RIMS2: variants seen among roughly 807,000 people sequenced by gnomAD.
RIMS2 encodes regulating synaptic membrane exocytosis 2.
A neutral mutation model predicts 174.4 loss-of-function variants in RIMS2; 59 were observed. That is an observed-to-expected ratio of 0.34 (90% CI 0.27 to 0.42). RIMS2 has a LOEUF of 0.42. RIMS2 is among the 10% of genes least tolerant of loss of function. The pLI is 1.00. For synonymous variants in RIMS2, 606 were observed against 572.5 expected, an observed-to-expected ratio of 1.06 and a Z score of -0.84; for missense variants, 1,620 against 1,666.3, an observed-to-expected ratio of 0.97 and a Z score of 0.48.
At chr8:104,049,338 GA>G (rs1395699971) in intron 19 of RIMS2, among the ~76,000 whole-genome samples, 1 of 151,944 alleles carries the variant, frequency 6.6e-6, no homozygotes, top group Admixed American at 6.6e-5. Flanking sequence ...AGAATGGCGT[GA>G]ACCCGAACCC....
At chr8:103,873,317 T>C (rs2099121378) in intron 3 of RIMS2, among the ~76,000 whole-genome samples, 1 of 152,182 alleles carries the variant, frequency 6.6e-6, no homozygotes, top group South Asian at 2.1e-4. Context: ...ACAAGTTTTA[T>C]AGAAACAGGC....
chr8:103,701,048 TGTA>T (rs1486766606), intron 2 of RIMS2, among the ~76,000 whole-genome samples: 2 of 152,082 alleles, frequency 1.3e-5, no homozygotes, highest in African/African-American at 2.4e-5. Flanking sequence ...TATTTATTCT[TGTA>T]GTTATTTCTG....
chr8:103,630,278 A>G (rs2095879508), intron 1 of RIMS2, among the ~76,000 whole-genome samples: 1 of 150,410 alleles, frequency 6.6e-6, no homozygotes, highest in South Asian at 2.1e-4. Flanking sequence ...ACCCATAAAG[A>G]CTGGAAGTAA....
intron 19 of RIMS2, among the ~76,000 whole-genome samples, chr8:104,050,961 C>T (rs1316548341): frequency 3.3e-5 from 5 of 152,082 alleles, no homozygotes; most frequent in Admixed American, 6.5e-5. Context: ...ATTGGCCATG[C>T]GTGGTAGTGC....
chr8:104,051,075 A>G (rs1186495818), intron 19 of RIMS2, among the ~76,000 whole-genome samples: 3 of 152,024 alleles, frequency 2.0e-5, no homozygotes, highest in South Asian at 2.1e-4. Flanking sequence ...CATCTCTACA[A>G]AAATATTTAA....
chr8:103,849,857 C>T (rs1028082438), intron 3 of RIMS2, among the ~76,000 whole-genome samples: 1 of 151,920 alleles, frequency 6.6e-6, no homozygotes, highest in African/African-American at 2.4e-5. Flanking sequence ...GAACTCTCGA[C>T]AGATTTCAGT....
Position 104,217,726 on chromosome 8 carries a change from T to C in RIMS2, c.3335-27190T>C, listed in dbSNP as rs563524140. 2.0e-5 allele frequency among the ~76,000 whole-genome samples: 3 copies of C among 152,324 alleles called. No homozygotes were observed. The South Asian group carries it at 6.2e-4, about 32-fold the overall frequency. ...AAAAGCTTAAAATTTATTTGTACAATATTGACATAAAACTGGGGATGGAAG... is the reference window on the plus strand; with the variant it reads ...AAAAGCTTAAAATTTATTTGTACAACATTGACATAAAACTGGGGATGGAAG... On this transcript the variant is annotated intron_variant, in intron 19 of 23. Transcript: ENST00000504942.
chr8:104,053,686 A>G (rs1300852933), intron 19 of RIMS2, among the ~76,000 whole-genome samples: 1 of 152,170 alleles, frequency 6.6e-6, no homozygotes, highest in Non-Finnish European at 1.5e-5. Context: ...ATTTCTAGTT[A>G]CAGATTGAAA....
At chr8:104,071,540 T>C (rs140923860) in intron 19 of RIMS2, among the ~76,000 whole-genome samples, 5,282 of 152,252 alleles carry the variant, frequency 0.035, 170 homozygotes, top group East Asian at 0.14. Context: ...GTTCAAGTGA[T>C]TCTCCTGCCT....
chr8:103,501,139 C>T, intron 1 of RIMS2, 77 bp downstream of exon 1: 3 of 1,126,470 alleles, frequency 2.7e-6, no homozygotes, highest in Non-Finnish European at 3.6e-6. Context: ...GCCGCCTGCG[C>T]GCCCCAGTTC....
intron 2 of RIMS2, among the ~76,000 whole-genome samples, chr8:103,752,297 T>C (rs1301051266): frequency 6.6e-6 from 1 of 152,172 alleles, no homozygotes; most frequent in African/African-American, 2.4e-5. Context: ...TCTGTTCTGT[T>C]CCATTGATCT....
chr8:103,848,024 C>G (rs2154491559), intron 3 of RIMS2, among the ~76,000 whole-genome samples: 1 of 151,996 alleles, frequency 6.6e-6, no homozygotes, highest in South Asian at 2.1e-4. Context: ...ACCCTCAGCC[C>G]ACTCCCAAAG....
intron 1 of RIMS2, among the ~76,000 whole-genome samples, chr8:103,602,229 C>T (rs12681517): frequency 0.066 from 9,994 of 152,170 alleles, 402 homozygotes; most frequent in South Asian, 0.088. Context: ...CCTCATGATC[C>T]GCCCGCCTCG....
chr8:103,893,739 C>G (rs1163153964), intron 4 of RIMS2, among the ~76,000 whole-genome samples: 4 of 151,930 alleles, frequency 2.6e-5, no homozygotes, highest in African/African-American at 2.4e-5. Flanking sequence ...TTATGTATTG[C>G]CTATCGGTTC....
intron 2 of RIMS2, among the ~76,000 whole-genome samples, chr8:103,754,485 T>G (rs201267830): frequency 0.01 from 1,575 of 152,142 alleles, 7 homozygotes; most frequent in Non-Finnish European, 0.018. Context: ...GGATATCGTT[T>G]TTAACTTTCT....
rs766129122 is a variant in RIMS2 at position 103,885,620 on chromosome 8, C to T, written c.1021C>T (p.Arg341Cys). 4.3e-6 allele frequency: 7 copies of T among 1,612,872 alleles called. No individual in the cohort carries two copies. In the African/African-American group the frequency reaches 6.7e-5, roughly 15 times the overall value. The change falls in exon 4 of 24, where the codon CGT becomes TGT. Residue 341 changes from arginine to cysteine, a missense_variant. This residue lies in a region of RIMS2 where 1,395 missense variants were observed against 1,360.1 expected (regional missense o/e 1.03). Coordinates refer to ENST00000504942, the Ensembl canonical transcript of RIMS2. ...CTACCGAAGTGATCCGAATTTGGCC[C>T]GTTATCCAGTAAAGCCACAACCCTA...
intron 1 of RIMS2, among the ~76,000 whole-genome samples, chr8:103,504,846 C>CTTTTTTTTTTTTTTTTTTTTTT (rs11367763): frequency 1.1e-4 from 10 of 95,090 alleles, no homozygotes; most frequent in Non-Finnish European, 1.6e-4. Flanking sequence ...TTCTTTCTTT[C>CTTTTTTTTTTTTTTTTTTTTTT]TTTTTTTTTT....
intron 4 of RIMS2, among the ~76,000 whole-genome samples, chr8:103,898,724 AT>A (rs929920785): frequency 1.1e-4 from 17 of 150,098 alleles, no homozygotes; most frequent in East Asian, 2.0e-4. Flanking sequence ...GTTTGTTTTT[AT>A]TTTTTTTTAT....
chr8:103,554,908 T>C (rs1332784019), intron 1 of RIMS2, among the ~76,000 whole-genome samples: 3 of 152,132 alleles, frequency 2.0e-5, no homozygotes, highest in Non-Finnish European at 2.9e-5. Context: ...GAGGCCATAA[T>C]CCCAAGTGAA....
Sources: allele counts gnomAD v4.1 joint callset (sites outside exome capture counted in the v4.1 genomes callset), GRCh38; gene constraint gnomAD v4.1.1; regional missense constraint gnomAD v4.1.1; transcripts MANE v1.5; gene names NCBI Gene and HGNC (gene_info 2026-07-23, HGNC 2026-07-21).